The following SPTBN1 variants were observed in gnomAD, a reference collection of about 807,000 sequenced individuals.
SPTBN1 encodes the protein spectrin beta chain, non-erythrocytic 1.
A neutral mutation model predicts 266.4 loss-of-function variants in SPTBN1; 32 were observed. That is an observed-to-expected ratio of 0.12 (90% CI 0.09 to 0.16). The LOEUF (loss-of-function observed/expected upper bound fraction) is 0.16. Among genes scored for constraint, SPTBN1 ranks in the 10% least tolerant of loss-of-function variants. The probability of loss-of-function intolerance (pLI) is 1.00; values close to 1 mark genes in which losing one functional copy is unlikely to be tolerated. For missense variants in SPTBN1, 2,296 were observed against 3,067.1 expected (o/e 0.75, Z 5.94); for synonymous variants, 1,336 against 1,162.2 (o/e 1.15, Z -3.04).
rs1451932444 is a variant in SPTBN1, at chr2:54,632,680, G to C, written c.3679G>C (p.Ala1227Pro). 2 of 1,614,110 alleles carry C rather than the reference G, an allele frequency of 1.2e-6. No homozygotes were observed. The highest frequency in any genetic ancestry group is 1.7e-6 in the Non-Finnish European group (2 of 1,180,048). ...TMDANEEKIN[A>P]VVETGRRLVS... is the part of the protein sequence containing the mutation. ...GGACGCCAATGAGGAGAAGATCAAT[G>C]CTGTGGTGGAGACTGGCCGGAGGCT... is the stretch of plus-strand genomic sequence containing the variant. The change falls in exon 17 of 36, where the codon GCT becomes CCT. Residue 1227 changes from alanine to proline, a missense_variant. Transcript: ENST00000356805.
intron 15 of SPTBN1, 125 bp downstream of exon 15, chr2:54,630,154 A>C: frequency 1.7e-5 from 22 of 1,270,092 alleles, no homozygotes; most frequent in Non-Finnish European, 2.1e-5. Flanking sequence ...CACTGATGTC[A>C]TGGCATTGGC....
At chr2:54,639,419 C>G (rs908138558) in intron 18 of SPTBN1, among the ~76,000 whole-genome samples, 3 of 152,172 alleles carry the variant, frequency 2.0e-5, no homozygotes, top group Non-Finnish European at 4.4e-5. Context: ...AATGGGATCC[C>G]ACACTCCTGC....
chr2:54,544,057 G>GTA (rs1189447592), intron 2 of SPTBN1, among the ~76,000 whole-genome samples: 5 of 152,184 alleles, frequency 3.3e-5, no homozygotes, highest in Admixed American at 6.5e-5. Context: ...TAAAATGTGT[G>GTA]TATCACTTTC....
rs1362666672 is a variant in SPTBN1 at position 54,590,372 on chromosome 2, C to T, written c.149-8720C>T. Among the ~76,000 whole-genome samples, 3 of 152,168 alleles carry T rather than the reference C, an allele frequency of 2.0e-5. No homozygotes were observed. The East Asian group carries it at 5.8e-4, about 29-fold the overall frequency. ...GACCACCACCAACAATAAGATTTATCGAGAACCTAGTTGTTGGACACTGGA... is the reference window on the plus strand; with the variant it reads ...GACCACCACCAACAATAAGATTTATTGAGAACCTAGTTGTTGGACACTGGA... On this transcript the variant is annotated intron_variant, in intron 2 of 35. Transcript: ENST00000356805.
chr2:54,602,590 A>G (rs1051064966), intron 3 of SPTBN1, among the ~76,000 whole-genome samples: 2 of 152,014 alleles, frequency 1.3e-5, no homozygotes, highest in Non-Finnish European at 2.9e-5. Context: ...AGGTTTTCCA[A>G]ACAACTCTGC....
chr2:54,598,774 G>A (rs543650810), intron 2 of SPTBN1, among the ~76,000 whole-genome samples: 53 of 152,336 alleles, frequency 3.5e-4, no homozygotes, highest in African/African-American at 1.1e-3. Context: ...AGAAAGGGGA[G>A]CAAAGGATGT....
In SPTBN1 at chr2:54,606,866, C is replaced by T. The variant is rs546906956; in HGVS notation, c.301-5295C>T. Among the ~76,000 whole-genome samples, 20 of 152,178 alleles carry T rather than the reference C, an allele frequency of 1.3e-4. 1 individual carries two copies. Among genetic ancestry groups the T allele is most frequent in the Non-Finnish European group, 2.2e-4 (15 of 68,020 alleles). On this transcript the variant is annotated intron_variant, in intron 3 of 35. Transcript: ENST00000356805. ...CGGGTGTACCGTGGAGAGAGAGCAC[C>T]AGTGTTACCTCAAACAGCACTTGCA...
chr2:54,656,918 G>A (rs527309315), intron 29 of SPTBN1, among the ~76,000 whole-genome samples: 2 of 152,196 alleles, frequency 1.3e-5, no homozygotes, highest in Non-Finnish European at 2.9e-5. Context: ...CACAGTCCCT[G>A]CCTTGAAAAG....
chr2:54,555,246 C>T (rs1333544424), intron 2 of SPTBN1, among the ~76,000 whole-genome samples: 2 of 152,166 alleles, frequency 1.3e-5, no homozygotes, highest in East Asian at 1.9e-4. Flanking sequence ...TCAACTCCCA[C>T]CTCTGCACTC....
intron 2 of SPTBN1, among the ~76,000 whole-genome samples, chr2:54,588,544 G>A (rs1456646151): frequency 6.6e-6 from 1 of 152,152 alleles, no homozygotes; most frequent in Non-Finnish European, 1.5e-5. Flanking sequence ...GCATGCCCTC[G>A]GGGGGATCCC....
intron 1 of SPTBN1, among the ~76,000 whole-genome samples, chr2:54,502,427 G>A (rs1352242880): frequency 6.6e-6 from 1 of 152,052 alleles, no homozygotes; most frequent in Admixed American, 6.6e-5. Context: ...TTTACATCAG[G>A]GATGGCTGCT....
chr2:54,641,434 A>G (rs2104016802), intron 18 of SPTBN1, among the ~76,000 whole-genome samples: 1 of 152,306 alleles, frequency 6.6e-6, no homozygotes, highest in South Asian at 2.1e-4. Context: ...AAATTTTGTC[A>G]TTAAGTTTTA....
At position 54,645,317 on chromosome 2, in the gene SPTBN1, C is replaced by T; in HGVS notation, c.4358C>T (p.Thr1453Ile). ...GCCCTGAGTCAGGAAGGGAAGAGCA[C>T]CGACGAGGTAGACAGCAAGCGCCTC... ...AQALSQEGKS[T>I]DEVDSKRLTV... Residue 1453 changes from threonine (T) to isoleucine (I), a missense_variant, in exon 21 of 36, where the codon ACC (threonine) becomes ATC (isoleucine). Coordinates refer to ENST00000356805, the MANE Select transcript of SPTBN1 (RefSeq NM_003128.3). This position sits in a 1 kb window ranked among gnomAD's most constrained non-coding sequence, Gnocchi z 4.3. 6.2e-7 allele frequency: 1 copy of T among 1,614,180 alleles called. No individual in the cohort carries two copies.
intron 1 of SPTBN1, among the ~76,000 whole-genome samples, chr2:54,482,588 A>G (rs771736352): frequency 6.6e-6 from 1 of 152,182 alleles, no homozygotes; most frequent in South Asian, 2.1e-4. Context: ...AGCACCAGGA[A>G]GTTACTTATG....
At chr2:54,574,452 C>G (rs1217226907) in intron 2 of SPTBN1, among the ~76,000 whole-genome samples, 1 of 152,218 alleles carries the variant, frequency 6.6e-6, no homozygotes, top group East Asian at 1.9e-4. Flanking sequence ...CTACACGTTT[C>G]TTGAGTCTGT....
chr2:54,521,754 G>A (rs973028389), intron 1 of SPTBN1, among the ~76,000 whole-genome samples: 1 of 152,182 alleles, frequency 6.6e-6, no homozygotes, highest in Non-Finnish European at 1.5e-5. Context: ...AAACTCCTGG[G>A]CTCAAGTGAT....
intron 2 of SPTBN1, among the ~76,000 whole-genome samples, chr2:54,566,183 T>G (rs1042410768): frequency 7.9e-6 from 1 of 126,332 alleles, no homozygotes; most frequent in Non-Finnish European, 1.6e-5. Context: ...TTTTTCTTTT[T>G]TCTTTTTTTT....
chr2:54,496,157 C>T (rs954427577), intron 1 of SPTBN1, among the ~76,000 whole-genome samples: 2 of 152,062 alleles, frequency 1.3e-5, no homozygotes, highest in Non-Finnish European at 2.9e-5. Flanking sequence ...TATAAATAGG[C>T]CAGGCACGAT....
intron 3 of SPTBN1, among the ~76,000 whole-genome samples, chr2:54,604,731 A>G (rs1323419897): frequency 1.3e-5 from 2 of 152,182 alleles, no homozygotes; most frequent in Admixed American, 1.3e-4. Context: ...ATGGCTGGTA[A>G]AGGTTTAGGA....
Sources: allele counts gnomAD v4.1 joint callset (sites outside exome capture counted in the v4.1 genomes callset), GRCh38; gene constraint gnomAD v4.1.1; non-coding constraint Gnocchi (gnomAD v3.1); transcripts MANE v1.5; gene names NCBI Gene and HGNC (gene_info 2026-07-23, HGNC 2026-07-21).